Variants in DIAPH3 observed in about 807,000 individuals in gnomAD.
The protein encoded by DIAPH3 is diaphanous related formin 3, also known as protein diaphanous homolog 3.
Under a neutral mutation model 144.3 loss-of-function variants are expected in DIAPH3, and 117 were observed. The observed-to-expected ratio is 0.81, with a 90% CI of 0.70 to 0.95. DIAPH3 has a LOEUF of 0.95. Among genes scored for constraint, DIAPH3 ranks in the 40% least tolerant of loss-of-function variants. DIAPH3 has a pLI of 0.00. For synonymous variants in DIAPH3, 519 were observed against 488.9 expected (o/e 1.06, Z -0.81); for missense variants, 1,421 against 1,412.7 (o/e 1.01, Z -0.09).
intron 1 of DIAPH3, 32 bp downstream of exon 1, chr13:60,163,533 TCAGCCCTACGGCGGGGCGGGAG>T: frequency 6.3e-7 from 1 of 1,583,308 alleles, no homozygotes; most frequent in African/African-American, 1.4e-5. Context: ...CCCTCGGCAG[TCAGCCCTACGGCGGGGCGGGAG>T]CGGCCCCACC....
rs143701374 is a variant in DIAPH3, at chr13:59,876,906, C to A, written c.2607+2323G>T. On this transcript the variant is annotated intron_variant, in intron 21 of 27. Transcript: ENST00000400324. ...CTTCCTTCTCAGGGAAAGCCTGAAT[C>A]TGCCATTCTTGCTTGCCTCCTTCTC... 3.6e-3 allele frequency among the ~76,000 whole-genome samples: 542 copies of A among 152,264 alleles called. 3 individuals carry two copies. Among genetic ancestry groups the A allele is most frequent in the African/African-American group, 0.013 (520 of 41,576 alleles).
At chr13:59,869,482 G>A (rs943672550) in intron 21 of DIAPH3, among the ~76,000 whole-genome samples, 7 of 152,122 alleles carry the variant, frequency 4.6e-5, no homozygotes, top group East Asian at 3.9e-4. Context: ...CCCATATACC[G>A]GATTGTGAAA....
intron 24 of DIAPH3, among the ~76,000 whole-genome samples, chr13:59,829,865 T>C (rs1045450636): frequency 6.6e-6 from 1 of 151,814 alleles, no homozygotes; most frequent in Admixed American, 6.6e-5. Context: ...GGGGAGTAGG[T>C]ATGGAGTGAA....
intron 22 of DIAPH3, among the ~76,000 whole-genome samples, chr13:59,852,206 C>T (rs529349318): frequency 3.3e-5 from 5 of 152,164 alleles, no homozygotes; most frequent in Non-Finnish European, 7.3e-5. Context: ...AATTTTAAAT[C>T]TATACTTAAA....
chr13:60,160,609 G>C (rs1053094515), intron 1 of DIAPH3, among the ~76,000 whole-genome samples: 6 of 152,168 alleles, frequency 3.9e-5, no homozygotes, highest in Non-Finnish European at 4.4e-5. Context: ...TATTGAGTGT[G>C]GCCTAGGGCA....
Position 60,016,161 on chromosome 13 carries a change from A to T in DIAPH3, c.627-16T>A, listed in dbSNP as rs991331158. 8 of 1,612,064 alleles carry T rather than the reference A, an allele frequency of 5.0e-6. No individual in the cohort carries two copies. Among genetic ancestry groups the T allele is most frequent in the Non-Finnish European group, 6.8e-6 (8 of 1,178,460 alleles). ...TTCCACCCAACTGAAAAACAGAAAA[A>T]AGACAGTTACACATTGTCAGTAACG... On this transcript the variant is annotated splice_polypyrimidine_tract_variant and intron_variant, in intron 5 of 27. Transcript: ENST00000400324.
chr13:60,083,947 GGATGGATGGAT>G (rs2057655715), intron 4 of DIAPH3, among the ~76,000 whole-genome samples: 1 of 124,536 alleles, frequency 8.0e-6, no homozygotes, highest in Non-Finnish European at 1.9e-5. Context: ...ATGGATGGAT[GGATGGATGGAT>G]GAATAAACTA....
chr13:59,736,640 C>T (rs1188160051), intron 27 of DIAPH3, among the ~76,000 whole-genome samples: 4 of 152,070 alleles, frequency 2.6e-5, no homozygotes, highest in African/African-American at 9.7e-5. Context: ...ACATTCTTCA[C>T]AGAACTAGAA....
Position 59,971,129 on chromosome 13 carries a change from G to C in DIAPH3, c.1682C>G (p.Pro561Arg), listed in dbSNP as rs752119644. ...FGALPADCNI[P>R]LPPSKEGGTG... Reference sequence around the variant, plus strand: ...TCCACCTTCTTTAGAGGGAGGCAAAGGAATATTACAATCAGCTGGCAAGGC... The same window carrying C: ...TCCACCTTCTTTAGAGGGAGGCAAACGAATATTACAATCAGCTGGCAAGGC... Residue 561 changes from proline (P) to arginine (R), a missense_variant, in exon 16 of 28, where the codon CCT becomes CGT. Physicochemically the swap from Pro to Arg is moderately radical, Grantham distance 103. Coordinates refer to ENST00000400324, the MANE Select transcript of DIAPH3 (RefSeq NM_001042517.2). The C allele has an allele frequency of 3.3e-5, 52 of 1,597,008 alleles. No homozygotes were observed. Among genetic ancestry groups the C allele is most frequent in the Non-Finnish European group, 4.3e-5 (50 of 1,171,036 alleles).
chr13:59,997,250 C>A (rs1469015105), intron 9 of DIAPH3, among the ~76,000 whole-genome samples: 1 of 152,048 alleles, frequency 6.6e-6, no homozygotes, highest in African/African-American at 2.4e-5. Context: ...CCACTTTCTA[C>A]ATCCATGTGA....
chr13:60,037,818 G>A (rs574989735), intron 5 of DIAPH3, among the ~76,000 whole-genome samples: 4 of 151,932 alleles, frequency 2.6e-5, no homozygotes, highest in East Asian at 3.9e-4. Context: ...ATTATCAGAC[G>A]GGATAAAAAA....
At chr13:59,722,904 A>T (rs1486451691) in intron 27 of DIAPH3, among the ~76,000 whole-genome samples, 1 of 152,148 alleles carries the variant, frequency 6.6e-6, no homozygotes, top group Non-Finnish European at 1.5e-5. Context: ...CCCCGAATCC[A>T]CTTACAATGT....
chr13:59,756,174 T>G (rs900718459), intron 27 of DIAPH3, among the ~76,000 whole-genome samples: 1 of 152,156 alleles, frequency 6.6e-6, no homozygotes, highest in Non-Finnish European at 1.5e-5. Flanking sequence ...TTCTGGTGCA[T>G]GCTGAAATTT....
chr13:59,739,961 T>C (rs1432982478), intron 27 of DIAPH3, among the ~76,000 whole-genome samples: 1 of 152,262 alleles, frequency 6.6e-6, no homozygotes, highest in Admixed American at 6.5e-5. Flanking sequence ...GGCACTGTAT[T>C]TGGTATGATC....
At chr13:59,718,633 T>C (rs1253165953) in intron 27 of DIAPH3, among the ~76,000 whole-genome samples, 2 of 152,190 alleles carry the variant, frequency 1.3e-5, no homozygotes, top group African/African-American at 4.8e-5. Context: ...ATAGACCTTA[T>C]AAAGAAACAT....
chr13:59,831,257 C>G (rs1362534946), intron 24 of DIAPH3, among the ~76,000 whole-genome samples: 1 of 151,754 alleles, frequency 6.6e-6, no homozygotes, highest in Non-Finnish European at 1.5e-5. Context: ...CAGAGGTCCC[C>G]AAGACACCCT....
At chr13:59,880,742 G>C (rs1040625890) in intron 20 of DIAPH3, among the ~76,000 whole-genome samples, 1 of 151,788 alleles carries the variant, frequency 6.6e-6, no homozygotes, top group African/African-American at 2.4e-5. Flanking sequence ...TTTTCATATA[G>C]ACCAAAGCCC....
chr13:59,926,585 T>C (rs573556123), intron 17 of DIAPH3, among the ~76,000 whole-genome samples: 2 of 152,334 alleles, frequency 1.3e-5, no homozygotes, highest in South Asian at 2.1e-4. Context: ...AGACTAATTG[T>C]CTAACTGGAC....
chr13:60,015,973 T>G lies in DIAPH3; in HGVS notation c.711A>C (p.Lys237Asn). ...CTTTATGTTGATTTTTCTTTACAAC[T>G]TTTTCTTGGCTGTATTGACATAAAA... Reference protein sequence around the residue: ...EKLISGKIQEKVVKKNQHKVI... With the variant: ...EKLISGKIQENVVKKNQHKVI... The change falls in exon 7 of 28, where the codon AAA (lysine) becomes AAC (asparagine). Residue 237 changes from lysine (K) to asparagine (N), a missense_variant. Lys to Asn is a moderately conservative substitution (Grantham distance 94). Coordinates refer to ENST00000400324, the MANE Select transcript of DIAPH3 (RefSeq NM_001042517.2). 6.2e-7 allele frequency: 1 copy of G among 1,613,256 alleles called. No homozygotes were observed. Among genetic ancestry groups the G allele is most frequent in the Non-Finnish European group, 8.5e-7 (1 of 1,179,554 alleles).
Sources: gnomAD v4.1 joint callset for allele counts (sites outside exome capture counted in the v4.1 genomes callset) on GRCh38, gnomAD v4.1.1 for gene constraint, MANE v1.5 for transcripts, NCBI Gene and HGNC (gene_info 2026-07-23, HGNC 2026-07-21) for gene names.